The following CTNNA3 variants were observed in gnomAD, a reference collection of about 807,000 sequenced individuals.
CTNNA3 encodes catenin alpha-3.
CTNNA3 carries 76 observed loss-of-function variants against 95.7 expected under a neutral mutation model. The observed-to-expected ratio is 0.79, with a 90% CI of 0.66 to 0.96. The LOEUF is 0.96. Ranked by LOEUF, CTNNA3 falls within the 40% of genes least tolerant of loss-of-function variation. The pLI is 0.00. For synonymous variants in CTNNA3, 431 were observed against 374.4 expected, an observed-to-expected ratio of 1.15 and a Z score of -1.74; for missense variants, 1,191 against 1,089.8, an observed-to-expected ratio of 1.09 and a Z score of -1.31.
intron 7 of CTNNA3, among the ~76,000 whole-genome samples, chr10:66,966,543 A>G (rs943326752): frequency 6.6e-5 from 10 of 152,098 alleles, no homozygotes; most frequent in African/African-American, 2.4e-4. Flanking sequence ...AAAATGAGCT[A>G]TCAGATTCAA....
intron 1 of CTNNA3, among the ~76,000 whole-genome samples, chr10:67,717,284 G>C (rs1296519888): frequency 6.6e-6 from 1 of 152,174 alleles, no homozygotes; most frequent in Non-Finnish European, 1.5e-5. Context: ...TCCCTCTGAA[G>C]ATAGTTTCTT....
intron 7 of CTNNA3, among the ~76,000 whole-genome samples, chr10:66,817,108 A>C (rs1842117527): frequency 6.6e-6 from 1 of 152,004 alleles, no homozygotes; most frequent in African/African-American, 2.4e-5. Flanking sequence ...ATTTTATCTT[A>C]GGGTACAGTG....
chr10:67,607,506 G>A (rs1038775554), intron 2 of CTNNA3, among the ~76,000 whole-genome samples: 1 of 152,096 alleles, frequency 6.6e-6, no homozygotes, highest in Non-Finnish European at 1.5e-5. Flanking sequence ...TGCTGCCTTG[G>A]GGGTGTAAGA....
intron 15 of CTNNA3, among the ~76,000 whole-genome samples, chr10:66,066,861 GACT>G (rs1436445474): frequency 1.3e-5 from 2 of 151,978 alleles, no homozygotes; most frequent in Non-Finnish European, 2.9e-5. Flanking sequence ...ATAAAATTTA[GACT>G]ACTTTCATAC....
intron 6 of CTNNA3, among the ~76,000 whole-genome samples, chr10:67,185,453 T>A (rs1190003510): frequency 6.6e-6 from 1 of 152,086 alleles, no homozygotes; most frequent in Admixed American, 6.6e-5. Context: ...TATGCCTCTA[T>A]TGAGTCTCTC....
chr10:67,223,967 T>C (rs942965633), intron 5 of CTNNA3, among the ~76,000 whole-genome samples: 16 of 152,174 alleles, frequency 1.1e-4, no homozygotes, highest in Non-Finnish European at 2.9e-5. Flanking sequence ...AATTAACAAA[T>C]AAAAATTGTG....
chr10:66,948,510 A>G (rs1848384460), intron 7 of CTNNA3, among the ~76,000 whole-genome samples: 1 of 152,182 alleles, frequency 6.6e-6, no homozygotes, highest in Non-Finnish European at 1.5e-5. Context: ...CTTATTTTCA[A>G]TGCTCTCAAT....
At chr10:67,311,601 G>A (rs1269675405) in intron 5 of CTNNA3, among the ~76,000 whole-genome samples, 1 of 151,854 alleles carries the variant, frequency 6.6e-6, no homozygotes, top group African/African-American at 2.4e-5. Flanking sequence ...CATTAAAATG[G>A]GTGCATTTTA....
chr10:65,962,742 T>C (rs1421976755), intron 17 of CTNNA3, among the ~76,000 whole-genome samples: 2 of 143,486 alleles, frequency 1.4e-5, no homozygotes, highest in African/African-American at 2.6e-5. Context: ...GTGAGTGATG[T>C]TCCCCTCCCT....
intron 5 of CTNNA3, among the ~76,000 whole-genome samples, chr10:67,386,763 AG>A (rs1844184505): frequency 6.6e-6 from 1 of 152,190 alleles, no homozygotes; most frequent in African/African-American, 2.4e-5. Flanking sequence ...AGAATGATAA[AG>A]GTAGGAAATA....
chr10:67,693,583 T>C (rs7893446), intron 1 of CTNNA3, among the ~76,000 whole-genome samples: 35,939 of 152,084 alleles, frequency 0.24, 5,092 homozygotes, highest in East Asian at 0.51. Flanking sequence ...TAGCTATGGT[T>C]TTTCTCTAAA....
Position 67,064,626 on chromosome 10 carries a change from T to C in CTNNA3, c.1047+115691A>G, listed in dbSNP as rs538464459. Among the ~76,000 whole-genome samples the C allele has an allele frequency of 2.0e-5, 3 of 152,314 alleles. No individual in the cohort carries two copies. In the South Asian group the frequency reaches 6.2e-4, roughly 32 times the overall value. On this transcript the variant is annotated intron_variant, in intron 7 of 17. Coordinates refer to ENST00000433211, the MANE Select transcript of CTNNA3 (RefSeq NM_013266.4). The stretch of plus-strand genomic sequence containing the variant: ...ATTTCTGTCCATGTCAATAAGGTTA[T>C]TCACAGAAGGCAAAGAAAAAATATT...
At chr10:65,970,672 T>G (rs930345420) in intron 16 of CTNNA3, among the ~76,000 whole-genome samples, 2 of 148,246 alleles carry the variant, frequency 1.3e-5, no homozygotes, top group African/African-American at 4.9e-5. Flanking sequence ...TAAAATATAA[T>G]ATATATAACA....
At chr10:67,537,556 C>A (rs1368375983) in intron 4 of CTNNA3, among the ~76,000 whole-genome samples, 1 of 152,110 alleles carries the variant, frequency 6.6e-6, no homozygotes, top group African/African-American at 2.4e-5. Context: ...TACCTCTGTG[C>A]CTAACTCCTA....
At chr10:66,327,928 G>T (rs1166183009) in intron 12 of CTNNA3, among the ~76,000 whole-genome samples, 1 of 151,930 alleles carries the variant, frequency 6.6e-6, no homozygotes, top group Non-Finnish European at 1.5e-5. Context: ...TTTTATGAGA[G>T]AAATACCAGT....
intron 7 of CTNNA3, among the ~76,000 whole-genome samples, chr10:67,082,324 T>C (rs768811453): frequency 2.0e-5 from 3 of 152,196 alleles, no homozygotes; most frequent in Non-Finnish European, 4.4e-5. Context: ...AAGTCATAAG[T>C]GCTAGATTTA....
intron 12 of CTNNA3, among the ~76,000 whole-genome samples, chr10:66,376,035 G>A (rs1456881397): frequency 2.0e-5 from 3 of 152,090 alleles, no homozygotes; most frequent in Non-Finnish European, 2.9e-5. Flanking sequence ...CATGAGCCTG[G>A]CAAACAGTAA....
At chr10:66,110,464 T>C (rs766006036) in intron 13 of CTNNA3, among the ~76,000 whole-genome samples, 2 of 152,004 alleles carry the variant, frequency 1.3e-5, no homozygotes, top group Non-Finnish European at 2.9e-5. Context: ...GTGTCTTTCA[T>C]TGGATGAATG....
At chr10:66,169,874 G>T (rs57180734) in intron 13 of CTNNA3, among the ~76,000 whole-genome samples, 26,745 of 151,832 alleles carry the variant, frequency 0.18, 2,551 homozygotes, top group Admixed American at 0.25. Flanking sequence ...GGATTGTTTG[G>T]TTTTTTCTTG....
Sources: allele counts gnomAD v4.1 joint callset (sites outside exome capture counted in the v4.1 genomes callset), GRCh38; gene constraint gnomAD v4.1.1; transcripts MANE v1.5; gene names NCBI Gene and HGNC (gene_info 2026-07-23, HGNC 2026-07-21).